The following RXFP2 variants were observed in gnomAD, a reference collection of about 807,000 sequenced individuals.
RXFP2 encodes relaxin family peptide receptor 2.
Under a neutral mutation model 88.6 loss-of-function variants are expected in RXFP2, and 68 were observed. The observed-to-expected ratio is 0.77, with a 90% CI of 0.63 to 0.94. RXFP2 has a LOEUF of 0.94. Ranked by LOEUF, RXFP2 falls within the 40% of genes least tolerant of loss-of-function variation. RXFP2 has a pLI of 0.00. For missense variants in RXFP2, 791 were observed against 893.9 expected (o/e 0.88, Z 1.47); for synonymous variants, 329 against 306.8 (o/e 1.07, Z -0.76).
rs186310570 is a variant in RXFP2, at chr13:31,762,509, T to C, written c.319+708T>C. On this transcript the variant is annotated intron_variant, in intron 3 of 17. Transcript: ENST00000298386. ...AAGGCTGGTGCTAGCCCATGAAGGG[T>C]TTTGGTGTACACCTTGAAGTGTGGC... Among the ~76,000 whole-genome samples the C allele has an allele frequency of 2.4e-3, 372 of 152,162 alleles. 9 individuals carry two copies. The highest frequency in any genetic ancestry group is 0.022 in the Admixed American group (344 of 15,290).
In RXFP2 at chr13:31,786,575, A is replaced by G. The variant is rs371283474; in HGVS notation, c.1011A>G (p.Ser337=). 2.8e-5 allele frequency: 44 copies of G among 1,599,680 alleles called. No homozygotes were observed. Among genetic ancestry groups the G allele is most frequent in the Non-Finnish European group, 3.3e-5 (39 of 1,168,936 alleles). Reference sequence around the variant, plus strand: ...ATGGTAAAAAAAAAAGGAACCTGTCATCCAATCCTCTTATGTATCTTCACA... The same window carrying G: ...ATGGTAAAAAAAAAAGGAACCTGTCGTCCAATCCTCTTATGTATCTTCACA... ...DLKLLQKLNL[S]SNPLMYLHKN... Residue 337 remains serine, a synonymous_variant, in exon 13 of 18, where the codon TCA becomes TCG. Coordinates refer to ENST00000298386, the MANE Select transcript of RXFP2 (RefSeq NM_130806.5).
intron 2 of RXFP2, among the ~76,000 whole-genome samples, chr13:31,759,451 G>GAAAGAA (rs1258802448): frequency 2.1e-5 from 1 of 48,690 alleles, no homozygotes; most frequent in Non-Finnish European, 4.8e-5. Flanking sequence ...GAAAGATACT[G>GAAAGAA]TGAAATATTC....
At chr13:31,756,321 T>C (rs1269929965) in intron 1 of RXFP2, among the ~76,000 whole-genome samples, 5 of 152,208 alleles carry the variant, frequency 3.3e-5, no homozygotes, top group African/African-American at 1.2e-4. Context: ...TCATCTTTAT[T>C]TGGGGATATT....
chr13:31,797,451 A>C, intron 17 of RXFP2, 32 bp downstream of exon 17: 1 of 1,501,434 alleles, frequency 6.7e-7, no homozygotes. Flanking sequence ...CAAGTATAAT[A>C]CATCGTGCCT....
chr13:31,797,468 G>C, intron 17 of RXFP2, 49 bp downstream of exon 17: 1 of 1,400,412 alleles, frequency 7.1e-7, no homozygotes, highest in Non-Finnish European at 1.0e-6. Context: ...GCCTTCTTAC[G>C]TCCTTCTTTT....
At chr13:31,756,295 G>A (rs1871945603) in intron 1 of RXFP2, among the ~76,000 whole-genome samples, 3 of 152,174 alleles carry the variant, frequency 2.0e-5, no homozygotes, top group Admixed American at 2.0e-4. Flanking sequence ...GTGCCTTCGT[G>A]TTCTCAGTCG....
At chr13:31,785,085 G>A (rs1001544769) in intron 11 of RXFP2, among the ~76,000 whole-genome samples, 3 of 152,108 alleles carry the variant, frequency 2.0e-5, no homozygotes, top group Non-Finnish European at 4.4e-5. Flanking sequence ...ACATTAATGG[G>A]CCGAAGAATC....
intron 5 of RXFP2, among the ~76,000 whole-genome samples, chr13:31,772,007 T>TAA (rs10691715): frequency 0.61 from 92,888 of 151,678 alleles, 28,607 homozygotes; most frequent in East Asian, 0.77. Flanking sequence ...GCCAGATGAA[T>TAA]GTGTTGCTTA....
At chr13:31,775,509 C>T in intron 7 of RXFP2, 120 bp downstream of exon 7, 1 of 799,234 alleles carries the variant, frequency 1.3e-6, no homozygotes, top group South Asian at 1.4e-5. Context: ...TTCTGATTAT[C>T]ATATAATCTG....
chr13:31,780,891 T>C (rs558380603), intron 9 of RXFP2, among the ~76,000 whole-genome samples: 20 of 152,314 alleles, frequency 1.3e-4, no homozygotes, highest in African/African-American at 4.8e-4. Flanking sequence ...GAGTTTCTGA[T>C]TCAGTCGGTC....
At chr13:31,760,901 A>C (rs978800453) in intron 2 of RXFP2, among the ~76,000 whole-genome samples, 9 of 152,214 alleles carry the variant, frequency 5.9e-5, no homozygotes, top group African/African-American at 2.2e-4. Context: ...TACATATGAC[A>C]AATTGACATT....
chr13:31,795,487 A>G (rs372615708), intron 16 of RXFP2, among the ~76,000 whole-genome samples: 11 of 152,308 alleles, frequency 7.2e-5, no homozygotes, highest in African/African-American at 2.4e-4. Context: ...TAAGTCTGCT[A>G]TCAGAATTTG....
In RXFP2 at chr13:31,802,502, G is replaced by T; in HGVS notation, c.*97G>T. ...GCAATGCTTTTCATCTTTACCAACGGCAAGCCTTTCTGCACAGAGAGCACA... is the reference window on the plus strand; with the variant it reads ...GCAATGCTTTTCATCTTTACCAACGTCAAGCCTTTCTGCACAGAGAGCACA... On this transcript the variant is annotated 3_prime_UTR_variant, in exon 18 of 18. Coordinates refer to ENST00000298386, the MANE Select transcript of RXFP2 (RefSeq NM_130806.5). 2 of 1,335,684 alleles carry T rather than the reference G, an allele frequency of 1.5e-6. No individual in the cohort carries two copies. Among genetic ancestry groups the T allele is most frequent in the Non-Finnish European group, 1.1e-6 (1 of 939,118 alleles). The allele number at this position is 1,335,684 out of a possible 1,614,324, so 82.7% of individuals were successfully genotyped here.
chr13:31,747,610 G>A (rs765500198), intron 1 of RXFP2, among the ~76,000 whole-genome samples: 1 of 152,150 alleles, frequency 6.6e-6, no homozygotes, highest in Admixed American at 6.6e-5. Flanking sequence ...TGTTAATTAA[G>A]TTCAGACAAC....
intron 17 of RXFP2, among the ~76,000 whole-genome samples, chr13:31,799,843 C>T (rs900939238): frequency 6.6e-6 from 1 of 152,162 alleles, no homozygotes; most frequent in Non-Finnish European, 1.5e-5. Context: ...TTCTCCTGAG[C>T]CCTTCTCATT....
chr13:31,797,293 A>C lies in RXFP2; in HGVS notation c.1879A>C (p.Arg627=), dbSNP rs1874100589. The C allele has an allele frequency of 6.2e-7, 1 of 1,614,036 alleles. No individual in the cohort carries two copies. Among genetic ancestry groups the C allele is most frequent in the East Asian group, 2.2e-5 (1 of 44,866 alleles). The part of the protein sequence containing the change: ...QKTALQTTEV[R]NCFGREVAVA... ...AACCGCCTTGCAGACCACAGAAGTAAGGAATTGTTTTGGAAGAGAGGTGGC... is the reference window on the plus strand; with the variant it reads ...AACCGCCTTGCAGACCACAGAAGTACGGAATTGTTTTGGAAGAGAGGTGGC... Residue 627 remains arginine, a synonymous_variant, in exon 17 of 18, where the codon AGG becomes CGG. Coordinates refer to ENST00000298386, the MANE Select transcript of RXFP2 (RefSeq NM_130806.5).
chr13:31,773,198 C>T (rs550644153), intron 5 of RXFP2, among the ~76,000 whole-genome samples: 126 of 152,290 alleles, frequency 8.3e-4, no homozygotes, highest in African/African-American at 2.8e-3. Flanking sequence ...TGAAGCATCT[C>T]CCCATAGATA....
At chr13:31,785,803 T>C (rs1394060139) in intron 11 of RXFP2, among the ~76,000 whole-genome samples, 1 of 152,188 alleles carries the variant, frequency 6.6e-6, no homozygotes, top group Non-Finnish European at 1.5e-5. Context: ...AGAGTCACTT[T>C]CTTAGGATTC....
At chr13:31,792,592 T>C (rs1333627741) in intron 15 of RXFP2, 86 bp from the exon 16 acceptor site, 1 of 1,323,602 alleles carries the variant, frequency 7.6e-7, no homozygotes, top group African/African-American at 1.4e-5. Context: ...AATTAGAAAA[T>C]TAAAATGCTG....
Sources: gnomAD v4.1 joint callset for allele counts (sites outside exome capture counted in the v4.1 genomes callset) on GRCh38, gnomAD v4.1.1 for gene constraint, MANE v1.5 for transcripts, NCBI Gene and HGNC (gene_info 2026-07-23, HGNC 2026-07-21) for gene names.